The following MEFV variants were observed in gnomAD, a reference collection of about 807,000 sequenced individuals.
The protein encoded by MEFV is pyrin.
MEFV carries 60 observed loss-of-function variants against 62.5 expected under a neutral mutation model. The observed-to-expected ratio is 0.96, with a 90% CI of 0.78 to 1.19. The LOEUF (loss-of-function observed/expected upper bound fraction) is 1.19. MEFV is among the 50% of genes most tolerant of loss of function. MEFV has a pLI of 0.00. For missense variants in MEFV, 1,169 were observed against 1,004.5 expected (o/e 1.16, Z -2.21); for synonymous variants, 500 against 415.2 (o/e 1.20, Z -2.48).
intron 4 of MEFV, 33 bp from the exon 5 acceptor site, chr16:3,247,279 C>T: frequency 6.2e-7 from 1 of 1,603,000 alleles, no homozygotes; most frequent in Non-Finnish European, 8.5e-7. Context: ...GTATGGGGGT[C>T]TGTGCTGTGG....
chr16:3,244,655 G>T, intron 6 of MEFV, 67 bp from the exon 7 acceptor site: 1 of 1,159,296 alleles, frequency 8.6e-7, no homozygotes, highest in Non-Finnish European at 1.3e-6. Context: ...CCCGTGAGCT[G>T]GAAATGAACT....
chr16:3,256,049 A>C (rs1274294910), intron 1 of MEFV, among the ~76,000 whole-genome samples: 2 of 152,214 alleles, frequency 1.3e-5, no homozygotes, highest in Non-Finnish European at 2.9e-5. Context: ...AGTCTCAAAG[A>C]ACAGGTGTTC....
In MEFV at chr16:3,242,886, G is replaced by T. The variant is rs1477698821; in HGVS notation, c.*255C>A. ...CTGAGAGTGCCACCCACCAGGGGCG[G>T]ATTATGCAACGACTCCGTACTTCCT... is the stretch of plus-strand genomic sequence containing the variant. On this transcript the variant is annotated 3_prime_UTR_variant, in exon 10 of 10. Coordinates refer to ENST00000219596, the MANE Select transcript of MEFV (RefSeq NM_000243.3). 3.8e-6 allele frequency: 2 copies of T among 526,342 alleles called. No individual in the cohort carries two copies. Among genetic ancestry groups the T allele is most frequent in the Non-Finnish European group, 6.9e-6 (2 of 289,866 alleles). The allele number at this position is 526,342 out of a possible 1,614,324, so 32.6% of individuals were successfully genotyped here.
chr16:3,253,904 G>T (rs1959074148), intron 2 of MEFV, among the ~76,000 whole-genome samples: 1 of 152,132 alleles, frequency 6.6e-6, no homozygotes, highest in Non-Finnish European at 1.5e-5. Flanking sequence ...TCCCGTGCAG[G>T]CCTCTCAAAG....
chr16:3,243,422 A>G lies in MEFV; in HGVS notation c.2065T>C (p.Trp689Arg), dbSNP rs566082564. The change falls in exon 10 of 10, where the codon TGG becomes CGG. Residue 689 changes from tryptophan (W) to arginine (R), a missense_variant. Transcript: ENST00000219596. ...TTTTCCTTCATCATTATCACCACCC[A>G]GTAGCCATTCTCTGGCGACAGAGTC... ...NMTLSPENGY[W>R]VVIMMKENEY... 8 of 1,614,132 alleles carry G rather than the reference A, an allele frequency of 5.0e-6. No homozygotes were observed. The Admixed American group carries it at 1.0e-4, about 20-fold the overall frequency.
intron 5 of MEFV, 35 bp downstream of exon 5, chr16:3,246,981 G>T: frequency 6.3e-7 from 1 of 1,596,764 alleles, no homozygotes; most frequent in Non-Finnish European, 8.6e-7. Context: ...GATAGGCACA[G>T]GGGACCCAAG....
In MEFV at chr16:3,254,663, G is replaced by A. The variant is rs766323718; in HGVS notation, c.405C>T (p.Tyr135=). Residue 135 remains tyrosine, a synonymous_variant, in exon 2 of 10, where the codon TAC becomes TAT. Transcript: ENST00000219596. ...EGNEGNGPRP[Y]GGGAASLRCS... ...ACCGCAGGCTGGCAGCTCCGCCCCC[G>A]TACGGCCGAGGGCCGTTCCCCTCGT... The A allele has an allele frequency of 6.2e-6, 10 of 1,610,600 alleles. No individual in the cohort carries two copies. The East Asian group carries it at 1.1e-4, about 18-fold the overall frequency.
At chr16:3,255,264 C>A (rs1232656440) in intron 1 of MEFV, among the ~76,000 whole-genome samples, 2 of 151,844 alleles carry the variant, frequency 1.3e-5, no homozygotes, top group Non-Finnish European at 2.9e-5. Context: ...TTGCAGTGAG[C>A]TGAGATCGGG....
At position 3,243,447 on chromosome 16, in the gene MEFV, C is replaced by G. The variant is rs28940580; in HGVS notation, c.2040G>C (p.Met680Ile). 93 of 1,614,134 alleles carry G rather than the reference C, an allele frequency of 5.8e-5. No individual in the cohort carries two copies. In the Middle Eastern group the frequency reaches 2.0e-3, roughly 34 times the overall value. ...AGTAGCCATTCTCTGGCGACAGAGT[C>G]ATGTTCCCTTTCCTGCTTATGGATG... is the stretch of plus-strand genomic sequence containing the variant. ...CKTSISRKGNMTLSPENGYWV... is the reference protein window; with the variant it reads ...CKTSISRKGNITLSPENGYWV... The change falls in exon 10 of 10, where the codon ATG (methionine) becomes ATC (isoleucine). Residue 680 changes from methionine (M) to isoleucine (I), a missense_variant. Met to Ile is a conservative substitution (Grantham distance 10). Transcript: ENST00000219596.
rs1958893094 is a variant in MEFV at position 3,243,560 on chromosome 16, G to C, written c.1927C>G (p.Leu643Val). 6.2e-7 allele frequency: 1 copy of C among 1,612,286 alleles called. No individual in the cohort carries two copies. The highest frequency in any genetic ancestry group is 8.5e-7 in the Non-Finnish European group (1 of 1,178,972). ...CCAGAGAGGAAACTCGGAGAGCCCA[G>C]AACAATGATACAGCTGTCAAATCTT... ...PQRFDSCIIV[L>V]GSPSFLSGRR... Residue 643 changes from leucine (L) to valine (V), a missense_variant, in exon 10 of 10, where the codon CTG (leucine) becomes GTG (valine). Coordinates refer to ENST00000219596, the MANE Select transcript of MEFV (RefSeq NM_000243.3).
chr16:3,251,518 G>A (rs903117781), intron 2 of MEFV, among the ~76,000 whole-genome samples: 5 of 152,210 alleles, frequency 3.3e-5, no homozygotes, highest in African/African-American at 1.2e-4. Flanking sequence ...TTATGTGAAG[G>A]AGGCACAAAC....
rs1390723147 is a variant in MEFV, at chr16:3,254,493, C to G, written c.575G>C (p.Arg192Thr). 1.9e-6 allele frequency: 3 copies of G among 1,579,172 alleles called. No individual in the cohort carries two copies. Among genetic ancestry groups the G allele is most frequent in the Non-Finnish European group, 2.6e-6 (3 of 1,165,536 alleles). ...CTCGGCCTGGCCCCCCTCTAGCGCC[C>G]TGCAGGGGCCGGGGCTTCTCCCGCC... ...LPGGRSPGPC[R>T]ALEGGQAEVR... Residue 192 changes from arginine to threonine, a missense_variant, in exon 2 of 10, where the codon AGG becomes ACG. Physicochemically the swap from Arg to Thr is moderately conservative, Grantham distance 71. Coordinates refer to ENST00000219596, the MANE Select transcript of MEFV (RefSeq NM_000243.3).
rs778607233 is a variant in MEFV at position 3,256,359 on chromosome 16, T to C, written c.229A>G (p.Ile77Val). 2.5e-6 allele frequency: 4 copies of C among 1,613,882 alleles called. No individual in the cohort carries two copies. In the South Asian group the frequency reaches 3.3e-5, roughly 13 times the overall value. Residue 77 changes from isoleucine to valine, a missense_variant, in exon 1 of 10, where the codon ATC becomes GTC. Transcript: ENST00000219596. ...TCCTCGGCCAGCAGGCGCTGGTTGA[T>C]GGCCCGCAGGACCTGCAGGGTGAGC... The part of the protein sequence containing the change: ...VQLTLQVLRA[I>V]NQRLLAEELH...
rs76464258 is a variant in MEFV, at chr16:3,247,100, G to A, written c.1503C>T (p.Arg501=). ...CGAGCAGGGCGATGTCCTGGGATAC[G>A]CGGGTGTCATATGCCTTCCTGATCT... ...VGQIRKAYDT[R]VSQDIALLDA... is the part of the protein sequence containing the mutation. Residue 501 remains arginine, a synonymous_variant, in exon 5 of 10, where the codon CGC becomes CGT. Transcript: ENST00000219596. The A allele has an allele frequency of 6.8e-3, 10,980 of 1,614,126 alleles. 300 individuals are homozygous for A. In the East Asian group the frequency reaches 0.089, roughly 13 times the overall value.
chr16:3,253,093 T>C (rs1295130195), intron 2 of MEFV, among the ~76,000 whole-genome samples: 1 of 151,770 alleles, frequency 6.6e-6, no homozygotes, highest in Non-Finnish European at 1.5e-5. Flanking sequence ...TCTCTTTACC[T>C]ATAGGGACAG....
intron 1 of MEFV, 82 bp from the exon 2 acceptor site, chr16:3,254,872 C>T (rs533683135): frequency 6.3e-7 from 1 of 1,596,294 alleles, no homozygotes; most frequent in Non-Finnish European, 8.5e-7. Context: ...AGAGAATCCC[C>T]TTGGATATTA....
Position 3,256,553 on chromosome 16 carries a change from G to T in MEFV, c.35C>A (p.Thr12Asn). Reference protein sequence around the residue: ...AKTPSDHLLSTLEELVPYDFE... With the variant: ...AKTPSDHLLSNLEELVPYDFE... ...GTCATAGGGCACCAGCTCCTCCAGG[G>T]TGGACAGCAGATGGTCACTAGGGGT... Residue 12 changes from threonine (T) to asparagine (N), a missense_variant, in exon 1 of 10, where the codon ACC (threonine) becomes AAC (asparagine). Transcript: ENST00000219596. 6.2e-7 allele frequency: 1 copy of T among 1,614,236 alleles called. No homozygotes were observed. The highest frequency in any genetic ancestry group is 8.5e-7 in the Non-Finnish European group (1 of 1,180,048).
In MEFV at chr16:3,249,697, A is replaced by G. The variant is rs1396309947; in HGVS notation, c.994T>C (p.Cys332Arg). The G allele has an allele frequency of 6.2e-7, 1 of 1,613,560 alleles. No individual in the cohort carries two copies. The highest frequency in any genetic ancestry group is 8.5e-7 in the Non-Finnish European group (1 of 1,179,588). Residue 332 changes from cysteine to arginine, a missense_variant, in exon 3 of 10, where the codon TGC becomes CGC. Transcript: ENST00000219596. Reference protein sequence around the residue: ...PVDGTCVRDSCSFPEAVSGHP... With the variant: ...PVDGTCVRDSRSFPEAVSGHP... Reference sequence around the variant, plus strand: ...CCAGAAACTGCCTCGGGGAAGCTGCAGGAATCACGCACACAGGTACCGTCA... The same window carrying G: ...CCAGAAACTGCCTCGGGGAAGCTGCGGGAATCACGCACACAGGTACCGTCA...
chr16:3,245,565 C>T (rs1210771671), intron 6 of MEFV, among the ~76,000 whole-genome samples: 1 of 151,748 alleles, frequency 6.6e-6, no homozygotes, highest in Non-Finnish European at 1.5e-5. Context: ...ACCTGGGAGG[C>T]AGAGGTTGTA....
Sources: gnomAD v4.1 joint callset for allele counts (sites outside exome capture counted in the v4.1 genomes callset) on GRCh38, gnomAD v4.1.1 for gene constraint, MANE v1.5 for transcripts, NCBI Gene and HGNC (gene_info 2026-07-23, HGNC 2026-07-21) for gene names.